MCCC1: variants seen among roughly 807,000 people sequenced by gnomAD.
MCCC1 encodes methylcrotonoyl-CoA carboxylase subunit alpha, mitochondrial.
A neutral mutation model predicts 83.8 loss-of-function variants in MCCC1; 64 were observed. The ratio of observed to expected loss-of-function variants is 0.76; its 90% CI spans 0.62 to 0.94. The LOEUF is 0.94. MCCC1 is among the 40% of genes least tolerant of loss of function. The pLI, the probability that MCCC1 is intolerant of heterozygous loss-of-function variation, is 0.00. For synonymous variants in MCCC1, 322 were observed against 315.4 expected (o/e 1.02, Z -0.22); for missense variants, 807 against 904.7 (o/e 0.89, Z 1.39).
chr3:183,070,362 G>T (rs1716569186), intron 7 of MCCC1, among the ~76,000 whole-genome samples: 1 of 152,112 alleles, frequency 6.6e-6, no homozygotes, highest in African/African-American at 2.4e-5. Context: ...AGAACCGCTA[G>T]GTCACCAACA....
Position 183,057,326 on chromosome 3 carries a change from A to C in MCCC1, c.858T>G (p.Ile286Met). Reference protein sequence around the residue: ...CSVQRRHQKIIEEAPAPGIKS... With the variant: ...CSVQRRHQKIMEEAPAPGIKS... The stretch of plus-strand genomic sequence containing the variant: ...AGGTCCTTACCGCTGGGGCCTCCTC[A>C]ATGATCTTCTGATGTCGCCTCTGCA... The change falls in exon 8 of 19, where the codon ATT becomes ATG. Residue 286 changes from isoleucine to methionine, a missense_variant. Physicochemically the swap from Ile to Met is conservative, Grantham distance 10 (BLOSUM62 1). Transcript: ENST00000265594. The C allele has an allele frequency of 1.2e-6, 2 of 1,606,688 alleles. No individual in the cohort carries two copies. The highest frequency in any genetic ancestry group is 1.7e-6 in the Non-Finnish European group (2 of 1,175,638).
At chr3:183,077,635 T>G (rs1717175900) in intron 4 of MCCC1, among the ~76,000 whole-genome samples, 1 of 149,262 alleles carries the variant, frequency 6.7e-6, no homozygotes, top group Admixed American at 6.7e-5. Context: ...TCATTTTTTT[T>G]CGTGAACCTT....
At chr3:183,076,947 C>T (rs1458836837) in intron 4 of MCCC1, among the ~76,000 whole-genome samples, 3 of 152,154 alleles carry the variant, frequency 2.0e-5, no homozygotes, top group Non-Finnish European at 2.9e-5. Context: ...TATAGATTTA[C>T]CTATATGAAC....
intron 11 of MCCC1, 112 bp downstream of exon 11, chr3:183,041,455 T>C: frequency 8.7e-7 from 1 of 1,155,418 alleles, no homozygotes; most frequent in Non-Finnish European, 1.2e-6. Context: ...AAATTCTTTA[T>C]TTTAAAATAT....
intron 18 of MCCC1, among the ~76,000 whole-genome samples, chr3:183,016,709 C>G (rs570828162): frequency 6.6e-6 from 1 of 152,318 alleles, no homozygotes; most frequent in East Asian, 1.9e-4. Context: ...TGGTTTTGCA[C>G]CATTGTCAAG....
At chr3:183,023,141 C>T (rs1030113219) in intron 15 of MCCC1, among the ~76,000 whole-genome samples, 4 of 152,144 alleles carry the variant, frequency 2.6e-5, no homozygotes, top group Admixed American at 2.6e-4. Context: ...ACAAAGTTCA[C>T]AATGTTTCAA....
chr3:183,021,724 A>T (rs1313525755), intron 16 of MCCC1, among the ~76,000 whole-genome samples: 1 of 152,190 alleles, frequency 6.6e-6, no homozygotes, highest in African/African-American at 2.4e-5. Flanking sequence ...TGGCTATGGA[A>T]AGGAATGCCT....
intron 15 of MCCC1, chr3:183,022,775 T>G (rs796801577): frequency 8.3e-6 from 4 of 480,562 alleles, no homozygotes; most frequent in African/African-American, 5.9e-5. Flanking sequence ...GAAAAAAAAG[T>G]TATATAACTT....
Position 183,020,198 on chromosome 3 carries a change from A to C in MCCC1, c.1909T>G (p.Leu637Val), listed in dbSNP as rs983414779. Residue 637 changes from leucine to valine, a missense_variant, in exon 17 of 19, where the codon TTA (leucine) becomes GTA (valine). Transcript: ENST00000265594. ...IEIDIPVPKY[L>V]SSVSSQETQG... The stretch of plus-strand genomic sequence containing the variant: ...GTTTCTTGTGAGCTCACAGAAGATA[A>C]GTATTTGGGGACTGGAATGTCAATC... 11 of 1,614,018 alleles carry C rather than the reference A, an allele frequency of 6.8e-6. No homozygotes were observed. Among genetic ancestry groups the C allele is most frequent in the African/African-American group, 5.3e-5 (4 of 74,936 alleles).
intron 4 of MCCC1, among the ~76,000 whole-genome samples, chr3:183,084,302 C>T (rs1471910683): frequency 2.0e-5 from 3 of 152,110 alleles, no homozygotes; most frequent in Non-Finnish European, 4.4e-5. Context: ...ATGCAACCTT[C>T]TGTGCATTAG....
intron 7 of MCCC1, among the ~76,000 whole-genome samples, chr3:183,059,993 GT>G (rs1302186860): frequency 6.6e-6 from 1 of 152,054 alleles, no homozygotes; most frequent in East Asian, 1.9e-4. Context: ...TGTCCTCTGA[GT>G]TTCCTGGTTC....
At chr3:183,038,978 T>C (rs764219435) in intron 12 of MCCC1, 48 bp downstream of exon 12, 2 of 1,526,580 alleles carry the variant, frequency 1.3e-6, no homozygotes, top group Non-Finnish European at 1.8e-6. Flanking sequence ...TGACCTCTGG[T>C]GCTGACCAAA....
At chr3:183,054,203 T>C (rs1431329879) in intron 8 of MCCC1, among the ~76,000 whole-genome samples, 3 of 150,392 alleles carry the variant, frequency 2.0e-5, no homozygotes, top group African/African-American at 7.4e-5. Context: ...TTTTTTTTTT[T>C]TGAGAGGAGT....
chr3:183,015,869 G>C (rs1293899150), intron 18 of MCCC1, among the ~76,000 whole-genome samples: 1 of 151,498 alleles, frequency 6.6e-6, no homozygotes, highest in African/African-American at 2.4e-5. Flanking sequence ...CATGAGAATT[G>C]CACCTAGGAA....
At chr3:183,086,489 A>G (rs997259037) in intron 4 of MCCC1, among the ~76,000 whole-genome samples, 2 of 152,208 alleles carry the variant, frequency 1.3e-5, no homozygotes, top group Non-Finnish European at 2.9e-5. Flanking sequence ...CCTATTTCCC[A>G]AAGGATCTAA....
exon 1 of MCCC1, chr3:183,115,897 C>A (rs1402826842): frequency 2.0e-5 from 3 of 151,990 alleles, no homozygotes; most frequent in African/African-American, 7.3e-5. Flanking sequence ...AGGTTCTTGG[C>A]GTATTGGACA....
At chr3:183,111,113 A>C (rs1252030426) in intron 1 of MCCC1, among the ~76,000 whole-genome samples, 1 of 152,204 alleles carries the variant, frequency 6.6e-6, no homozygotes, top group African/African-American at 2.4e-5. Flanking sequence ...GGAAAATTAT[A>C]TAAGAGTTCC....
At chr3:183,104,450 C>G (rs767966065), upstream of MCCC1, among the ~76,000 whole-genome samples, 1 of 136,416 alleles carries the variant, frequency 7.3e-6, no homozygotes, top group East Asian at 2.1e-4. Flanking sequence ...ACACAATACT[C>G]AGAAGCTATA....
chr3:183,070,826 G>C (rs1716614072), intron 7 of MCCC1, among the ~76,000 whole-genome samples, 173 bp downstream of exon 7: 1 of 152,180 alleles, frequency 6.6e-6, no homozygotes, highest in East Asian at 1.9e-4. Context: ...ATAGAAAATG[G>C]CTGGAAGAAT....
Sources: allele counts gnomAD v4.1 joint callset (sites outside exome capture counted in the v4.1 genomes callset), GRCh38; gene constraint gnomAD v4.1.1; transcripts MANE v1.5; gene names NCBI Gene and HGNC (gene_info 2026-07-23, HGNC 2026-07-21).